PNLIPRP3: variants seen among roughly 807,000 people sequenced by gnomAD.
PNLIPRP3 encodes pancreatic lipase-related protein 3.
In PNLIPRP3, 58 loss-of-function variants were observed where a neutral mutation model predicts 52.8. The ratio of observed to expected loss-of-function variants is 1.10; its 90% CI spans 0.89 to 1.37. The LOEUF (loss-of-function observed/expected upper bound fraction) is 1.37. Among genes scored for constraint, PNLIPRP3 ranks in the 40% most tolerant of loss-of-function variants. The pLI, the probability that PNLIPRP3 is intolerant of heterozygous loss-of-function variation, is 0.00. For missense variants in PNLIPRP3, 593 were observed against 561.6 expected (o/e 1.06, Z -0.57); for synonymous variants, 192 against 185.0 (o/e 1.04, Z -0.31).
chr10:116,464,563 C>A (rs12255203), intron 7 of PNLIPRP3, among the ~76,000 whole-genome samples: 20,161 of 152,208 alleles, frequency 0.13, 2,438 homozygotes, highest in African/African-American at 0.32. Flanking sequence ...CAGGCCAGTA[C>A]AGGCACTGGT....
chr10:116,449,294 G>A (rs1273502352), intron 4 of PNLIPRP3, among the ~76,000 whole-genome samples: 2 of 30,644 alleles, frequency 6.5e-5, no homozygotes, highest in Non-Finnish European at 5.3e-4. Context: ...AAGATATAGA[G>A]TGATTGAATA....
At chr10:116,474,355 A>T (rs1321825218) in intron 10 of PNLIPRP3, among the ~76,000 whole-genome samples, 1 of 152,218 alleles carries the variant, frequency 6.6e-6, no homozygotes, top group African/African-American at 2.4e-5. Flanking sequence ...CCTGGAAAAC[A>T]ACTTAGGTAA....
intron 7 of PNLIPRP3, 45 bp downstream of exon 7, chr10:116,461,335 T>G (rs2133144940): frequency 6.3e-7 from 1 of 1,588,878 alleles, no homozygotes; most frequent in South Asian, 1.1e-5. Flanking sequence ...CATATTCACT[T>G]AGCTCTCTCC....
At chr10:116,448,022 GAAGGA>G (rs1845978587) in intron 4 of PNLIPRP3, among the ~76,000 whole-genome samples, 1 of 43,962 alleles carries the variant, frequency 2.3e-5, no homozygotes, top group African/African-American at 4.6e-5. Flanking sequence ...AGGAAGGAAG[GAAGGA>G]AAGAAAGAAA....
At chr10:116,473,429 A>G (rs1846405886) in intron 10 of PNLIPRP3, among the ~76,000 whole-genome samples, 1 of 152,260 alleles carries the variant, frequency 6.6e-6, no homozygotes, top group Non-Finnish European at 1.5e-5. Context: ...AATCCCATCC[A>G]TTTAATACTA....
chr10:116,459,524 C>A (rs1383584728), intron 5 of PNLIPRP3, among the ~76,000 whole-genome samples: 1 of 152,130 alleles, frequency 6.6e-6, no homozygotes. Context: ...CCATTGATGA[C>A]CACATCATGT....
chr10:116,452,575 C>A (rs1056516162), intron 4 of PNLIPRP3, among the ~76,000 whole-genome samples: 1 of 152,158 alleles, frequency 6.6e-6, no homozygotes, highest in Non-Finnish European at 1.5e-5. Flanking sequence ...GTTTCAGAAC[C>A]CAGGCCTAGG....
chr10:116,442,385 G>GT (rs1284451532), intron 2 of PNLIPRP3, among the ~76,000 whole-genome samples: 1 of 152,076 alleles, frequency 6.6e-6, no homozygotes, highest in Non-Finnish European at 1.5e-5. Flanking sequence ...ATTTTGCCAT[G>GT]TTTTTGGCAT....
chr10:116,431,948 G>A (rs906195913), intron 1 of PNLIPRP3, among the ~76,000 whole-genome samples: 5 of 151,924 alleles, frequency 3.3e-5, no homozygotes, highest in Admixed American at 3.3e-4. Flanking sequence ...ATGCTACCCT[G>A]GACACCCTAT....
At chr10:116,454,244 G>T (rs1349465974) in intron 4 of PNLIPRP3, among the ~76,000 whole-genome samples, 2 of 151,996 alleles carry the variant, frequency 1.3e-5, no homozygotes, top group South Asian at 2.1e-4. Context: ...TCAGCTTACT[G>T]AGTAGCTGGG....
At chr10:116,455,886 T>C in intron 5 of PNLIPRP3, 56 bp downstream of exon 5, 1 of 1,268,590 alleles carries the variant, frequency 7.9e-7, no homozygotes, top group Non-Finnish European at 1.1e-6. Flanking sequence ...TTACACACAC[T>C]ACCAAGTATC....
chr10:116,475,138 A>T (rs535128531), intron 10 of PNLIPRP3, among the ~76,000 whole-genome samples: 119 of 152,354 alleles, frequency 7.8e-4, no homozygotes, highest in Admixed American at 2.2e-3. Flanking sequence ...TTGCAGGAAC[A>T]TGGATGGAGC....
chr10:116,470,710 G>T (rs1176594747), intron 9 of PNLIPRP3, among the ~76,000 whole-genome samples: 1 of 151,866 alleles, frequency 6.6e-6, no homozygotes, highest in Non-Finnish European at 1.5e-5. Context: ...GGGTTTCACC[G>T]TGTTAGCCAG....
In PNLIPRP3 at chr10:116,438,779, A is replaced by T. The variant is rs925888505; in HGVS notation, c.204+1914A>T. Among the ~76,000 whole-genome samples, 37 of 152,296 alleles carry T rather than the reference A, an allele frequency of 2.4e-4. 1 individual carries two copies. The highest frequency in any genetic ancestry group is 8.7e-4 in the African/African-American group (36 of 41,574). ...TATATGAGTTTGACCAATTCTGTAG[A>T]TGTGGCTGTCTCTAGAACAAGGAAA... On this transcript the variant is annotated intron_variant, in intron 2 of 11. Transcript: ENST00000369230.
chr10:116,474,386 C>T (rs537770413), intron 10 of PNLIPRP3, among the ~76,000 whole-genome samples: 15 of 152,294 alleles, frequency 9.8e-5, no homozygotes, highest in African/African-American at 3.1e-4. Context: ...GACACAGGCA[C>T]AGGCAAAGAT....
chr10:116,464,321 G>T (rs1382542861), intron 7 of PNLIPRP3, among the ~76,000 whole-genome samples: 1 of 152,204 alleles, frequency 6.6e-6, no homozygotes, highest in Non-Finnish European at 1.5e-5. Context: ...GGGATATTGT[G>T]TCAGAGGTCC....
At chr10:116,436,662 C>T in intron 1 of PNLIPRP3, 49 bp from the exon 2 acceptor site, 3 of 1,474,060 alleles carry the variant, frequency 2.0e-6, no homozygotes, top group Non-Finnish European at 2.7e-6. Flanking sequence ...AACACAGCCT[C>T]TCTCTAAGCC....
intron 1 of PNLIPRP3, among the ~76,000 whole-genome samples, chr10:116,434,822 A>T (rs1164456798): frequency 6.6e-6 from 1 of 152,190 alleles, no homozygotes; most frequent in Non-Finnish European, 1.5e-5. Flanking sequence ...TTAGAAAAGG[A>T]TCAGAATGGA....
chr10:116,427,859 G>C lies in PNLIPRP3; in HGVS notation c.-154G>C. On this transcript the variant is annotated 5_prime_UTR_variant, in exon 1 of 12. Coordinates refer to ENST00000369230, the MANE Select transcript of PNLIPRP3 (RefSeq NM_001011709.3). ...CCCCGATAATTTTATTTACTTTGCA[G>C]AGCATAAGGTGGAATAACATGTTCT... The C allele has an allele frequency of 1.6e-6, 1 of 611,012 alleles. No homozygotes were observed. Among genetic ancestry groups the C allele is most frequent in the Non-Finnish European group, 2.9e-6 (1 of 339,276 alleles). The allele number at this position is 611,012 out of a possible 1,614,324, so 37.8% of individuals were successfully genotyped here. A position where few individuals can be genotyped will look rare whatever the true frequency, so the allele number is the denominator to read the frequency against.
Sources: allele counts gnomAD v4.1 joint callset (sites outside exome capture counted in the v4.1 genomes callset), GRCh38; gene constraint gnomAD v4.1.1; transcripts MANE v1.5; gene names NCBI Gene and HGNC (gene_info 2026-07-23, HGNC 2026-07-21).